The following SLC13A3 variants were observed in gnomAD, a reference collection of about 807,000 sequenced individuals.
SLC13A3 encodes Na(+)/dicarboxylate cotransporter 3.
SLC13A3 carries 40 observed loss-of-function variants against 59.0 expected under a neutral mutation model. That is an observed-to-expected ratio of 0.68 (90% CI 0.53 to 0.88). The LOEUF (loss-of-function observed/expected upper bound fraction) is 0.88. Among genes scored for constraint, SLC13A3 ranks in the 40% least tolerant of loss-of-function variants. SLC13A3 has a pLI of 0.00. For synonymous variants in SLC13A3, 317 were observed against 330.3 expected (o/e 0.96, Z 0.44); for missense variants, 699 against 783.2 (o/e 0.89, Z 1.28).
In SLC13A3 at chr20:46,646,444, A is replaced by G. The variant is rs186220215; in HGVS notation, c.111+4867T>C. Among the ~76,000 whole-genome samples, 66 of 152,326 alleles carry G rather than the reference A, an allele frequency of 4.3e-4. No individual in the cohort carries two copies. In the South Asian group the frequency reaches 7.7e-3, roughly 18 times the overall value. ...TGTAAATGTGAGAAAATCTGTGGCT[A>G]TTGCTCTAATTATAAACTCCCACTA... is the stretch of plus-strand genomic sequence containing the variant. On this transcript the variant is annotated intron_variant, in intron 1 of 12. Coordinates refer to ENST00000279027, the MANE Select transcript of SLC13A3 (RefSeq NM_022829.6).
intron 9 of SLC13A3, among the ~76,000 whole-genome samples, chr20:46,579,942 T>G (rs1424117618): frequency 6.6e-6 from 1 of 152,016 alleles, no homozygotes; most frequent in African/African-American, 2.4e-5. Context: ...AGACCCTGCC[T>G]TGCCACGAGA....
intron 7 of SLC13A3, 68 bp from the exon 8 acceptor site, chr20:46,588,231 C>T: frequency 1.1e-6 from 1 of 936,264 alleles, no homozygotes; most frequent in Non-Finnish European, 1.7e-6. Context: ...GGCACAGGCT[C>T]AGGCAGCTGC....
Position 46,559,764 on chromosome 20 carries a change from A to G in SLC13A3, c.*258T>C, listed in dbSNP as rs1467177209. 2 of 442,054 alleles carry G rather than the reference A, an allele frequency of 4.5e-6. No individual in the cohort carries two copies. Among genetic ancestry groups the G allele is most frequent in the Non-Finnish European group, 8.2e-6 (2 of 243,956 alleles). 27.4% of individuals were successfully genotyped at this position (442,054 alleles called of 1,614,324 possible). On this transcript the variant is annotated 3_prime_UTR_variant, in exon 13 of 13. Transcript: ENST00000279027. ...CTGGGCTGTCTTGTATCCTAATGAT[A>G]AAACAGCTAACTGATAAAGGAGCTT...
intron 1 of SLC13A3, among the ~76,000 whole-genome samples, chr20:46,619,003 C>G (rs376771779): frequency 2.0e-5 from 3 of 152,370 alleles, no homozygotes; most frequent in East Asian, 3.9e-4. Context: ...GTCACTGCTG[C>G]TGGTAGTAAC....
intron 10 of SLC13A3, among the ~76,000 whole-genome samples, chr20:46,575,140 CAAAAAAAGAGAGAG>C (rs1321317131): frequency 6.6e-6 from 1 of 151,714 alleles, no homozygotes; most frequent in African/African-American, 2.4e-5. Flanking sequence ...AACTCTGTCT[CAAAAAAAGAGAGAG>C]AAAAAAAGAG....
chr20:46,608,720 A>G, intron 3 of SLC13A3: 1 of 849,162 alleles, frequency 1.2e-6, no homozygotes, highest in Non-Finnish European at 1.7e-6. Flanking sequence ...TTAAGTTTTA[A>G]CAGATACGTA....
At chr20:46,585,836 G>A in intron 8 of SLC13A3, 3 of 1,232,574 alleles carry the variant, frequency 2.4e-6, no homozygotes, top group Non-Finnish European at 3.1e-6. Flanking sequence ...ATTGTTTCTT[G>A]CTTATAACAA....
chr20:46,679,355 G>A (rs1336027209), intron 1 of SLC13A3, among the ~76,000 whole-genome samples: 3 of 151,598 alleles, frequency 2.0e-5, no homozygotes, highest in South Asian at 2.1e-4. Flanking sequence ...TCAGGAGTTC[G>A]AGACTAGCCT....
At position 46,598,805 on chromosome 20, in the gene SLC13A3, C is replaced by G. The variant is rs111870845; in HGVS notation, c.608+1166G>C. Among the ~76,000 whole-genome samples, 913 of 152,160 alleles carry G rather than the reference C, an allele frequency of 6.0e-3. 10 individuals are homozygous for G. The highest frequency in any genetic ancestry group is 0.021 in the African/African-American group (864 of 41,512). On this transcript the variant is annotated intron_variant, in intron 4 of 12. Transcript: ENST00000279027. ...TCCTCCACCATCACTCTCTCCCCCCCGAAGCCAACTCTCAGACCCCACCTC... is the reference window on the plus strand; with the variant it reads ...TCCTCCACCATCACTCTCTCCCCCCGGAAGCCAACTCTCAGACCCCACCTC...
upstream of SLC13A3, among the ~76,000 whole-genome samples, chr20:46,673,255 T>A (rs2063103208): frequency 6.6e-6 from 1 of 152,180 alleles, no homozygotes; most frequent in South Asian, 2.1e-4. Flanking sequence ...CAGGGAAGTA[T>A]GATTTCTAAT....
chr20:46,597,089 A>C (rs372276131), intron 4 of SLC13A3, among the ~76,000 whole-genome samples: 107 of 151,810 alleles, frequency 7.0e-4, no homozygotes, highest in African/African-American at 2.5e-3. Context: ...AAAATAAAGA[A>C]ATGGCTATGT....
intron 1 of SLC13A3, among the ~76,000 whole-genome samples, chr20:46,649,274 A>C (rs1213373778): frequency 1.3e-5 from 2 of 152,140 alleles, no homozygotes; most frequent in African/African-American, 4.8e-5. Context: ...TCAGTTGTGC[A>C]TGTTGGAGTT....
intron 1 of SLC13A3, among the ~76,000 whole-genome samples, chr20:46,627,570 T>C (rs2062687373): frequency 6.6e-6 from 1 of 151,966 alleles, no homozygotes; most frequent in African/African-American, 2.4e-5. Context: ...TTTGCTTCTA[T>C]GTGAAATCTC....
At chr20:46,597,580 G>A (rs778665065) in intron 4 of SLC13A3, among the ~76,000 whole-genome samples, 4 of 152,086 alleles carry the variant, frequency 2.6e-5, no homozygotes, top group South Asian at 4.1e-4. Context: ...GAGATTATAG[G>A]TGCCCACCAC....
At chr20:46,670,733 C>T (rs756689218), upstream of SLC13A3, among the ~76,000 whole-genome samples, 1 of 152,174 alleles carries the variant, frequency 6.6e-6, no homozygotes, top group Non-Finnish European at 1.5e-5. Context: ...AACCACCCAA[C>T]TGAGCCCAGT....
At chr20:46,566,624 A>G (rs1394753968) in intron 10 of SLC13A3, 4 of 412,538 alleles carry the variant, frequency 9.7e-6, no homozygotes, top group Non-Finnish European at 1.7e-5. Flanking sequence ...CATACAGGCC[A>G]GGGACCCAAA....
chr20:46,670,156 G>C (rs963708449), upstream of SLC13A3: 2 of 152,176 alleles, frequency 1.3e-5, no homozygotes, highest in African/African-American at 2.4e-5. Context: ...TACATGAGCA[G>C]CTTTAAAAAC....
At chr20:46,569,837 C>T (rs1410173471) in intron 10 of SLC13A3, among the ~76,000 whole-genome samples, 1 of 152,154 alleles carries the variant, frequency 6.6e-6, no homozygotes, top group Non-Finnish European at 1.5e-5. Flanking sequence ...CTTACTTCAA[C>T]CAGGTCCTCT....
At chr20:46,654,909 C>T (rs961597055), upstream of SLC13A3, among the ~76,000 whole-genome samples, 1 of 152,158 alleles carries the variant, frequency 6.6e-6, no homozygotes, top group Admixed American at 6.5e-5. Flanking sequence ...CTGAGAAGGT[C>T]TTGATTTCCC....
Sources: gnomAD v4.1 joint callset for allele counts (sites outside exome capture counted in the v4.1 genomes callset) on GRCh38, gnomAD v4.1.1 for gene constraint, MANE v1.5 for transcripts, NCBI Gene and HGNC (gene_info 2026-07-23, HGNC 2026-07-21) for gene names.